SPON1: variants seen among roughly 807,000 people sequenced by gnomAD.
SPON1 encodes spondin-1.
Under a neutral mutation model 111.7 loss-of-function variants are expected in SPON1, and 52 were observed. That is an observed-to-expected ratio of 0.47 (90% CI 0.37 to 0.59). SPON1 has a LOEUF of 0.59. Among genes scored for constraint, SPON1 ranks in the 20% least tolerant of loss-of-function variants. The pLI is 0.00. For synonymous variants in SPON1, 410 were observed against 395.8 expected (o/e 1.04, Z -0.43); for missense variants, 957 against 1,068.5 (o/e 0.90, Z 1.46).
intron 6 of SPON1, among the ~76,000 whole-genome samples, chr11:14,230,780 C>T (rs1848790819): frequency 8.8e-6 from 1 of 113,280 alleles, no homozygotes; most frequent in African/African-American, 3.3e-5. Flanking sequence ...TCCTTCCTTC[C>T]TTCCTTCATT....
chr11:14,063,852 G>A (rs1848810327), intron 3 of SPON1, among the ~76,000 whole-genome samples: 1 of 152,204 alleles, frequency 6.6e-6, no homozygotes, highest in South Asian at 2.1e-4. Flanking sequence ...AACAATGGTT[G>A]CCATCAGCCA....
At chr11:14,230,480 C>T (rs1848786535) in intron 6 of SPON1, among the ~76,000 whole-genome samples, 1 of 152,194 alleles carries the variant, frequency 6.6e-6, no homozygotes, top group African/African-American at 2.4e-5. Flanking sequence ...CCTTGCCTAA[C>T]AAAGCCTAAC....
At chr11:14,185,645 A>G (rs191348906) in intron 6 of SPON1, among the ~76,000 whole-genome samples, 30 of 152,380 alleles carry the variant, frequency 2.0e-4, no homozygotes, top group Non-Finnish European at 3.4e-4. Context: ...AGTTGGGTTA[A>G]TGATCAATCC....
chr11:14,173,221 T>G (rs1386166576), intron 6 of SPON1, among the ~76,000 whole-genome samples: 1 of 152,102 alleles, frequency 6.6e-6, no homozygotes, highest in African/African-American at 2.4e-5. Flanking sequence ...TAAACTTCTC[T>G]TCTCACTTCA....
chr11:14,205,868 TG>T, intron 6 of SPON1, among the ~76,000 whole-genome samples: 1 of 152,140 alleles, frequency 6.6e-6, no homozygotes, highest in East Asian at 1.9e-4. Flanking sequence ...AAGTGTTTTT[TG>T]TCTTAATTTC....
At chr11:14,136,056 T>C (rs1203606092) in intron 6 of SPON1, among the ~76,000 whole-genome samples, 1 of 152,234 alleles carries the variant, frequency 6.6e-6, no homozygotes, top group Non-Finnish European at 1.5e-5. Context: ...CTATGCTGTG[T>C]GGGCCCAGGA....
chr11:14,066,823 C>T (rs1414380785), intron 3 of SPON1, among the ~76,000 whole-genome samples: 3 of 151,994 alleles, frequency 2.0e-5, no homozygotes, highest in African/African-American at 7.3e-5. Flanking sequence ...CACAGCTGTC[C>T]CTCTTCTCCC....
chr11:14,024,007 A>AG (rs1169998074), intron 2 of SPON1, among the ~76,000 whole-genome samples: 1 of 150,984 alleles, frequency 6.6e-6, no homozygotes, highest in Non-Finnish European at 1.5e-5. Context: ...ATCTCAAAGA[A>AG]AAAAAAAAAA....
chr11:14,104,335 G>C (rs1055231858), intron 5 of SPON1, among the ~76,000 whole-genome samples: 1 of 147,736 alleles, frequency 6.8e-6, no homozygotes, highest in Non-Finnish European at 1.5e-5. Flanking sequence ...TAGTTAATTT[G>C]TTTTTTTTTC....
In SPON1 at chr11:14,009,911, T is replaced by C. The variant is rs552261564; in HGVS notation, c.345+26958T>C. 1.6e-3 allele frequency among the ~76,000 whole-genome samples: 238 copies of C among 152,236 alleles called. 1 individual carries two copies. The highest frequency in any genetic ancestry group is 2.4e-3 in the Admixed American group (36 of 15,296). On this transcript the variant is annotated intron_variant, in intron 2 of 15. Coordinates refer to ENST00000576479, the MANE Select transcript of SPON1 (RefSeq NM_006108.4). ...CCAAAGGTTCCACCACTTAATACTA[T>C]CACATTGGCTATTAGATTCAACATA...
rs148559821 is a variant in SPON1 at position 14,142,817 on chromosome 11, A to C, written c.825+7249A>C. Among the ~76,000 whole-genome samples the C allele has an allele frequency of 6.3e-3, 953 of 152,358 alleles. 7 individuals carry two copies. The highest frequency in any genetic ancestry group is 0.01 in the Middle Eastern group (3 of 294). ...ACAAAGGAAACTTTATTGTAGAAAG[A>C]AAGTAGGACACATGAGAACACAAGT... On this transcript the variant is annotated intron_variant, in intron 6 of 15. Transcript: ENST00000576479.
intron 6 of SPON1, among the ~76,000 whole-genome samples, chr11:14,193,397 C>T (rs1380435172): frequency 5.3e-5 from 8 of 152,160 alleles, no homozygotes; most frequent in African/African-American, 1.9e-4. Flanking sequence ...TCACTGACAG[C>T]TTGTGAAGGT....
chr11:14,065,817 C>T (rs1554920316), intron 3 of SPON1, among the ~76,000 whole-genome samples: 1 of 152,178 alleles, frequency 6.6e-6, no homozygotes, highest in Non-Finnish European at 1.5e-5. Flanking sequence ...AAAATTTCAT[C>T]ATCCTAAAAC....
chr11:14,253,513 C>T (rs1175104427), intron 7 of SPON1, among the ~76,000 whole-genome samples: 1 of 152,238 alleles, frequency 6.6e-6, no homozygotes, highest in Non-Finnish European at 1.5e-5. Flanking sequence ...GTTCCCCAGG[C>T]CCCAGTCGGG....
At chr11:14,138,947 A>G (rs1591386221) in intron 6 of SPON1, among the ~76,000 whole-genome samples, 1 of 152,058 alleles carries the variant, frequency 6.6e-6, no homozygotes, top group South Asian at 2.1e-4. Context: ...AAATTGCTGC[A>G]CTAGCCTCCT....
At chr11:14,106,148 T>C (rs1272793295) in intron 5 of SPON1, among the ~76,000 whole-genome samples, 3 of 152,182 alleles carry the variant, frequency 2.0e-5, no homozygotes, top group South Asian at 2.1e-4. Flanking sequence ...CCTAGCAAAA[T>C]GGATGTGATT....
intron 1 of SPON1, among the ~76,000 whole-genome samples, chr11:13,977,777 A>C (rs1452388675): frequency 6.6e-6 from 1 of 151,984 alleles, no homozygotes; most frequent in Non-Finnish European, 1.5e-5. Flanking sequence ...ATTTTATTTC[A>C]TGCTGCCTTC....
chr11:14,003,986 G>C (rs563310837), intron 2 of SPON1, among the ~76,000 whole-genome samples: 1 of 151,988 alleles, frequency 6.6e-6, no homozygotes, highest in African/African-American at 2.4e-5. Flanking sequence ...GCATATTTGA[G>C]CTCTTTTTTT....
intron 2 of SPON1, among the ~76,000 whole-genome samples, chr11:14,030,646 TACA>T (rs1462204737): frequency 1.3e-5 from 2 of 152,184 alleles, no homozygotes; most frequent in Non-Finnish European, 2.9e-5. Context: ...AAATCAAAAC[TACA>T]ACGAGGCACC....
Sources: gnomAD v4.1 joint callset for allele counts (sites outside exome capture counted in the v4.1 genomes callset) on GRCh38, gnomAD v4.1.1 for gene constraint, MANE v1.5 for transcripts, NCBI Gene and HGNC (gene_info 2026-07-23, HGNC 2026-07-21) for gene names.